The following HPCAL1 variants were observed in gnomAD, a reference collection of about 807,000 sequenced individuals.
HPCAL1 encodes the protein hippocalcin-like protein 1.
In HPCAL1, 8 loss-of-function variants were observed where a neutral mutation model predicts 17.1. That is an observed-to-expected ratio of 0.47 (90% CI 0.27 to 0.84). The LOEUF is 0.84. Among genes scored for constraint, HPCAL1 ranks in the 40% least tolerant of loss-of-function variants. HPCAL1 has a pLI of 0.13. For synonymous variants in HPCAL1, 112 were observed against 111.4 expected (o/e 1.01, Z -0.03); for missense variants, 165 against 271.1 (o/e 0.61, Z 2.75).
chr2:10,411,329 C>G (rs1310191159), intron 2 of HPCAL1, among the ~76,000 whole-genome samples: 1 of 152,160 alleles, frequency 6.6e-6, no homozygotes, highest in Non-Finnish European at 1.5e-5. Context: ...CAGCCCACCA[C>G]CCCACCGAAG....
intron 2 of HPCAL1, among the ~76,000 whole-genome samples, chr2:10,418,574 CA>C (rs1254752057): frequency 6.6e-6 from 1 of 151,672 alleles, no homozygotes; most frequent in Non-Finnish European, 1.5e-5. Flanking sequence ...TTAGAATTCA[CA>C]AACACAGAGT....
chr2:10,352,561 G>T (rs1238287046), intron 1 of HPCAL1, among the ~76,000 whole-genome samples: 1 of 152,232 alleles, frequency 6.6e-6, no homozygotes, highest in Non-Finnish European at 1.5e-5. Flanking sequence ...GCATGCTGGG[G>T]CAAGATCCAG....
chr2:10,409,028 T>C (rs1042324172), intron 2 of HPCAL1, among the ~76,000 whole-genome samples: 2 of 152,268 alleles, frequency 1.3e-5, no homozygotes, highest in Admixed American at 6.5e-5. Context: ...AATGGTATCA[T>C]TTACCATTTC....
intron 1 of HPCAL1, among the ~76,000 whole-genome samples, chr2:10,341,871 C>A (rs1482328762): frequency 3.3e-5 from 5 of 152,082 alleles, no homozygotes; most frequent in Non-Finnish European, 7.4e-5. Flanking sequence ...TTCAAAGTTT[C>A]TCTGGGCTGG....
chr2:10,318,646 T>C (rs1166917332), intron 1 of HPCAL1, among the ~76,000 whole-genome samples: 1 of 152,150 alleles, frequency 6.6e-6, no homozygotes, highest in Non-Finnish European at 1.5e-5. Flanking sequence ...AAGGATGCTG[T>C]GATCTGAATA....
intron 1 of HPCAL1, among the ~76,000 whole-genome samples, chr2:10,351,316 T>C (rs907091739): frequency 6.6e-6 from 1 of 152,188 alleles, no homozygotes; most frequent in African/African-American, 2.4e-5. Context: ...AGACCACATA[T>C]AATACGATTC....
chr2:10,347,772 A>G (rs1260787271), intron 1 of HPCAL1, among the ~76,000 whole-genome samples: 3 of 152,278 alleles, frequency 2.0e-5, no homozygotes, highest in African/African-American at 7.2e-5. Flanking sequence ...GGCACGGAGT[A>G]TGGGCCAAAT....
At chr2:10,364,679 C>T (rs1319968825) in intron 1 of HPCAL1, among the ~76,000 whole-genome samples, 3 of 151,968 alleles carry the variant, frequency 2.0e-5, no homozygotes, top group Admixed American at 1.3e-4. Flanking sequence ...CGACCTCCCC[C>T]GGCTCAGGTG....
At chr2:10,378,409 C>T (rs547229948) in intron 1 of HPCAL1, among the ~76,000 whole-genome samples, 2 of 152,036 alleles carry the variant, frequency 1.3e-5, no homozygotes, top group African/African-American at 4.8e-5. Context: ...TAACAAAGCT[C>T]CATGGACCGG....
At chr2:10,358,547 A>T (rs1666324324) in intron 1 of HPCAL1, among the ~76,000 whole-genome samples, 1 of 152,212 alleles carries the variant, frequency 6.6e-6, no homozygotes, top group Admixed American at 6.5e-5. Context: ...CCTAGCAGGC[A>T]CACACAGAAG....
intron 3 of HPCAL1, among the ~76,000 whole-genome samples, chr2:10,421,555 G>T (rs1035778059): frequency 9.2e-5 from 14 of 152,174 alleles, no homozygotes; most frequent in Non-Finnish European, 7.3e-5. Flanking sequence ...TAAAAGAGTA[G>T]CAGGGCATAG....
At chr2:10,399,557 T>TACCGCC (rs1391668636) in intron 2 of HPCAL1, among the ~76,000 whole-genome samples, 1 of 84,178 alleles carries the variant, frequency 1.2e-5, no homozygotes, top group Non-Finnish European at 2.5e-5. Context: ...CCGCCACCAC[T>TACCGCC]ACCGCCACCG....
rs575306947 is a variant in HPCAL1, at chr2:10,334,695, C to T, written c.-111+31518C>T. ...TAACTGCTGTATACAATTCCATTGA[C>T]TTTTTTTTGAGGCAGGGTCTCGCTC... On this transcript the variant is annotated intron_variant, in intron 1 of 4. Coordinates refer to ENST00000307845, the MANE Select transcript of HPCAL1 (RefSeq NM_002149.4). 1.5e-3 allele frequency among the ~76,000 whole-genome samples: 213 copies of T among 146,424 alleles called. 8 individuals are homozygous for T. Among genetic ancestry groups the T allele is most frequent in the African/African-American group, 5.0e-3 (195 of 39,038 alleles).
chr2:10,410,782 G>GT (rs3836105), intron 2 of HPCAL1, among the ~76,000 whole-genome samples: 78,578 of 151,790 alleles, frequency 0.52, 20,616 homozygotes, highest in South Asian at 0.67. Context: ...CAAGGTGGCT[G>GT]TTCTGCTGGG....
At chr2:10,424,608 T>G (rs1274602889) in intron 4 of HPCAL1, 9 of 470,950 alleles carry the variant, frequency 1.9e-5, no homozygotes, top group Non-Finnish European at 4.0e-5. Context: ...AGAGGGCATC[T>G]TCTAGGTTGG....
chr2:10,307,327 C>T (rs1299102596), intron 1 of HPCAL1, among the ~76,000 whole-genome samples: 1 of 152,222 alleles, frequency 6.6e-6, no homozygotes, highest in African/African-American at 2.4e-5. Context: ...TTTCCTTGCT[C>T]TGTGTCCCCT....
At chr2:10,411,902 C>T (rs984613745) in intron 2 of HPCAL1, among the ~76,000 whole-genome samples, 2 of 152,188 alleles carry the variant, frequency 1.3e-5, no homozygotes, top group Admixed American at 6.5e-5. Context: ...CCTCACCAGC[C>T]TTCCTCTGGG....
rs922545762 is a variant in HPCAL1, at chr2:10,331,618, G to T, written c.-111+28441G>T. 6.6e-6 allele frequency among the ~76,000 whole-genome samples: 1 copy of T among 152,314 alleles called. No individual in the cohort carries two copies. On this transcript the variant is annotated intron_variant, in intron 1 of 4. Coordinates refer to ENST00000307845, the MANE Select transcript of HPCAL1 (RefSeq NM_002149.4). The surrounding 1 kb of genome is among the most constrained non-coding windows in gnomAD (Gnocchi z 5.0). ...TGTGCTTTGGGCCCAGCTGCACTGT[G>T]CCCGGGGTCCAGGGATGGGTGTGAG...
intron 1 of HPCAL1, among the ~76,000 whole-genome samples, chr2:10,357,034 G>A (rs1041124689): frequency 3.9e-5 from 6 of 152,248 alleles, no homozygotes; most frequent in African/African-American, 1.2e-4. Flanking sequence ...GATACCTTGA[G>A]CCCAGGAGGT....
Sources: allele counts gnomAD v4.1 joint callset (sites outside exome capture counted in the v4.1 genomes callset), GRCh38; gene constraint gnomAD v4.1.1; non-coding constraint Gnocchi (gnomAD v3.1); transcripts MANE v1.5; gene names NCBI Gene and HGNC (gene_info 2026-07-23, HGNC 2026-07-21).